Variants in RALYL observed in about 807,000 individuals in gnomAD.
RALYL encodes the protein RALY RNA binding protein like.
RALYL carries 29 observed loss-of-function variants against 35.1 expected under a neutral mutation model. That is an observed-to-expected ratio of 0.83 (90% CI 0.61 to 1.13). RALYL has a LOEUF of 1.13. RALYL is among the 50% of genes most tolerant of loss of function. The pLI is 0.00. For missense variants in RALYL, 359 were observed against 360.4 expected, an observed-to-expected ratio of 1.00 and a Z score of 0.03; for synonymous variants, 120 against 127.6, an observed-to-expected ratio of 0.94 and a Z score of 0.40.
chr8:84,201,512 G>A (rs1298856334), intron 1 of RALYL, among the ~76,000 whole-genome samples: 1 of 151,504 alleles, frequency 6.6e-6, no homozygotes, highest in Non-Finnish European at 1.5e-5. Flanking sequence ...TTAGGAAATG[G>A]TATTAGTTAT....
At chr8:84,199,166 T>G (rs567212073) in intron 1 of RALYL, among the ~76,000 whole-genome samples, 1 of 152,180 alleles carries the variant, frequency 6.6e-6, no homozygotes, top group Admixed American at 6.5e-5. Flanking sequence ...TGTTATTGCC[T>G]GGCTTTTGGA....
At chr8:84,817,622 C>A (rs999621532) in intron 4 of RALYL, among the ~76,000 whole-genome samples, 5 of 151,792 alleles carry the variant, frequency 3.3e-5, no homozygotes, top group Non-Finnish European at 7.4e-5. Flanking sequence ...GTGGTGCAAT[C>A]ACAGTCACTG....
At chr8:84,888,420 T>A (rs985041607) in intron 8 of RALYL, among the ~76,000 whole-genome samples, 1 of 152,220 alleles carries the variant, frequency 6.6e-6, no homozygotes, top group African/African-American at 2.4e-5. Flanking sequence ...TGTATGCTGA[T>A]GAGGATGTTA....
intron 1 of RALYL, among the ~76,000 whole-genome samples, chr8:84,459,016 T>G (rs1409600702): frequency 6.6e-6 from 1 of 151,698 alleles, no homozygotes; most frequent in African/African-American, 2.4e-5. Flanking sequence ...ATTTTAAAAT[T>G]AAAGCATTTG....
chr8:84,226,386 CT>C (rs1026302127), intron 1 of RALYL, among the ~76,000 whole-genome samples: 1 of 151,910 alleles, frequency 6.6e-6, no homozygotes, highest in Non-Finnish European at 1.5e-5. Context: ...CTATGTATTT[CT>C]TTTTTGGTTG....
chr8:84,355,525 A>C (rs1300656699), intron 1 of RALYL, among the ~76,000 whole-genome samples: 1 of 150,544 alleles, frequency 6.6e-6, no homozygotes, highest in Non-Finnish European at 1.5e-5. Flanking sequence ...AAGAGTTTAA[A>C]ATTTTGTTTT....
chr8:84,515,336 A>G (rs1035710451), intron 1 of RALYL, among the ~76,000 whole-genome samples: 2 of 152,172 alleles, frequency 1.3e-5, no homozygotes, highest in Non-Finnish European at 2.9e-5. Flanking sequence ...TATATTGTAT[A>G]TAGTGGGCAC....
At chr8:84,780,763 G>A (rs1817967772) in intron 3 of RALYL, among the ~76,000 whole-genome samples, 1 of 152,120 alleles carries the variant, frequency 6.6e-6, no homozygotes, top group Non-Finnish European at 1.5e-5. Flanking sequence ...GCAACTATTA[G>A]AGATACTCTA....
intron 1 of RALYL, among the ~76,000 whole-genome samples, chr8:84,360,676 T>C (rs773560991): frequency 5.3e-5 from 8 of 152,004 alleles, no homozygotes; most frequent in Non-Finnish European, 5.9e-5. Context: ...ATTGGAAGGA[T>C]TTATTGAGTG....
chr8:84,258,445 A>G (rs1257414791), intron 1 of RALYL, among the ~76,000 whole-genome samples: 4 of 152,126 alleles, frequency 2.6e-5, no homozygotes, highest in Admixed American at 6.6e-5. Flanking sequence ...TAAAGTGCTT[A>G]GTTGAAGATG....
chr8:84,807,154 AC>A (rs1231469533), intron 4 of RALYL, among the ~76,000 whole-genome samples: 4 of 151,826 alleles, frequency 2.6e-5, no homozygotes, highest in East Asian at 1.9e-4. Flanking sequence ...TTTAGCCCTC[AC>A]CCCCCTCCCA....
chr8:84,320,357 T>C (rs1170806766), intron 1 of RALYL, among the ~76,000 whole-genome samples: 1 of 151,922 alleles, frequency 6.6e-6, no homozygotes, highest in Non-Finnish European at 1.5e-5. Flanking sequence ...TCACCATATA[T>C]ATATATGTAT....
chr8:84,705,689 C>A (rs2132388154), intron 2 of RALYL, among the ~76,000 whole-genome samples: 1 of 152,188 alleles, frequency 6.6e-6, no homozygotes, highest in East Asian at 1.9e-4. Flanking sequence ...TTTTGCAATT[C>A]TTGCTAAATA....
At chr8:84,441,458 T>G (rs1376441412) in intron 1 of RALYL, among the ~76,000 whole-genome samples, 1 of 152,130 alleles carries the variant, frequency 6.6e-6, no homozygotes, top group African/African-American at 2.4e-5. Flanking sequence ...AAAGTAGTTG[T>G]GATGTTCATA....
At chr8:84,690,369 G>T (rs1220809686) in intron 2 of RALYL, among the ~76,000 whole-genome samples, 1 of 152,102 alleles carries the variant, frequency 6.6e-6, no homozygotes, top group African/African-American at 2.4e-5. Context: ...TAGTTGGCAG[G>T]GGCTGAAGAA....
intron 2 of RALYL, among the ~76,000 whole-genome samples, chr8:84,562,012 G>A (rs943547733): frequency 6.6e-6 from 1 of 151,876 alleles, no homozygotes; most frequent in Non-Finnish European, 1.5e-5. Flanking sequence ...CAGTATATAA[G>A]ACTTTTTTCC....
At chr8:84,378,895 C>T (rs1433645279) in intron 1 of RALYL, among the ~76,000 whole-genome samples, 1 of 151,886 alleles carries the variant, frequency 6.6e-6, no homozygotes, top group Non-Finnish European at 1.5e-5. Context: ...TACCACATCC[C>T]AGACCAGGTG....
intron 1 of RALYL, among the ~76,000 whole-genome samples, chr8:84,446,223 C>A (rs1375886044): frequency 2.0e-5 from 3 of 151,912 alleles, no homozygotes; most frequent in Admixed American, 1.3e-4. Context: ...TTTCCACATG[C>A]CTCAAGGAAG....
intron 8 of RALYL, among the ~76,000 whole-genome samples, chr8:84,894,558 G>A (rs1301601205): frequency 6.6e-6 from 1 of 152,174 alleles, no homozygotes; most frequent in Non-Finnish European, 1.5e-5. Context: ...AACAGCCATG[G>A]TGAATGTGTC....
Sources: gnomAD v4.1 joint callset for allele counts (sites outside exome capture counted in the v4.1 genomes callset) on GRCh38, gnomAD v4.1.1 for gene constraint, MANE v1.5 for transcripts, NCBI Gene and HGNC (gene_info 2026-07-23, HGNC 2026-07-21) for gene names.